Variants in MIER3 observed in about 807,000 individuals in gnomAD.
MIER3 encodes the protein mesoderm induction early response protein 3.
Under a neutral mutation model 63.2 loss-of-function variants are expected in MIER3, and 9 were observed. That is an observed-to-expected ratio of 0.14 (90% CI 0.09 to 0.25). MIER3 has a LOEUF of 0.25. Ranked by LOEUF, MIER3 falls within the 10% of genes least tolerant of loss-of-function variation. The pLI, the probability that MIER3 is intolerant of heterozygous loss-of-function variation, is 1.00. For synonymous variants in MIER3, 205 were observed against 224.9 expected, an observed-to-expected ratio of 0.91 and a Z score of 0.79; for missense variants, 512 against 666.2, an observed-to-expected ratio of 0.77 and a Z score of 2.55.
At chr5:56,947,728 C>T (rs1750874923) in intron 2 of MIER3, among the ~76,000 whole-genome samples, 1 of 152,158 alleles carries the variant, frequency 6.6e-6, no homozygotes, top group South Asian at 2.1e-4. Context: ...GGATTACTAA[C>T]AAAGTTCTTA....
At chr5:56,935,359 T>C in intron 7 of MIER3, 69 bp downstream of exon 7, 1 of 1,189,426 alleles carries the variant, frequency 8.4e-7, no homozygotes. Flanking sequence ...TAAAGCCAGA[T>C]ATTTAAATAC....
rs1270996509 is a variant in MIER3 at position 56,921,387 on chromosome 5, ATTAT to A, written c.*1737_*1740del. The A allele has an allele frequency of 6.6e-6, 1 of 152,462 alleles. No homozygotes were observed. The highest frequency in any genetic ancestry group is 2.4e-5 in the African/African-American group (1 of 41,462). 9.4% of individuals were successfully genotyped at this position (152,462 alleles called of 1,614,324 possible). A position where few individuals can be genotyped will look rare whatever the true frequency, so the allele number is the denominator to read the frequency against. ...AAGTAACACAGAGCCCAGGCTACCC[ATTAT>A]TTACTGTGTGCATACAGGAATGCTA... On this transcript the variant is annotated 3_prime_UTR_variant, in exon 13 of 13. Transcript: ENST00000381199.
At chr5:56,946,602 A>G (rs1750829833) in intron 3 of MIER3, among the ~76,000 whole-genome samples, 1 of 152,166 alleles carries the variant, frequency 6.6e-6, no homozygotes. Context: ...CCTTAGCAGA[A>G]TAGTAGTTAC....
chr5:56,946,376 C>T (rs1430084017), intron 3 of MIER3, among the ~76,000 whole-genome samples: 1 of 152,100 alleles, frequency 6.6e-6, no homozygotes, highest in African/African-American at 2.4e-5. Context: ...TTTATATTGA[C>T]TTGGGGCTTA....
chr5:56,931,116 C>G (rs989994704), intron 8 of MIER3, among the ~76,000 whole-genome samples: 2 of 152,166 alleles, frequency 1.3e-5, no homozygotes, highest in Non-Finnish European at 2.9e-5. Flanking sequence ...GATGTCATTT[C>G]CTCCCTGTCT....
intron 3 of MIER3, among the ~76,000 whole-genome samples, chr5:56,942,451 G>C (rs550695591): frequency 1.3e-5 from 2 of 152,334 alleles, no homozygotes; most frequent in South Asian, 4.1e-4. Context: ...CAACACAGGA[G>C]TCTAAATGGA....
At chr5:56,932,266 G>GTAAA (rs1042806385) in intron 8 of MIER3, among the ~76,000 whole-genome samples, 6 of 151,920 alleles carry the variant, frequency 3.9e-5, no homozygotes, top group South Asian at 2.1e-4. Flanking sequence ...TCTTGGAAAA[G>GTAAA]TAAATAAATA....
At chr5:56,929,501 G>T (rs1750179370) in intron 9 of MIER3, 1 of 152,052 alleles carries the variant, frequency 6.6e-6, no homozygotes, top group South Asian at 2.1e-4. Flanking sequence ...CGAGATCAAG[G>T]CTATACTAAG....
chr5:56,938,726 G>A lies in MIER3; in HGVS notation c.315+157C>T, dbSNP rs897541038. 7.1e-6 allele frequency: 6 copies of A among 839,384 alleles called. No homozygotes were observed. In the African/African-American group the frequency reaches 1.0e-4, roughly 14 times the overall value. The allele number at this position is 839,384 out of a possible 1,614,324, so 52.0% of individuals were successfully genotyped here. ...ATTAATACTACTCTTAACATAGGGT[G>A]ATCAAAGCCAAACAAAGTTTAAATC... On this transcript the variant is annotated intron_variant, in intron 4 of 12. Coordinates refer to ENST00000381199, the MANE Select transcript of MIER3 (RefSeq NM_001297599.2).
chr5:56,923,031 A>G lies in MIER3; in HGVS notation c.*97T>C, dbSNP rs1259525853. 1 of 926,612 alleles carries G rather than the reference A, an allele frequency of 1.1e-6. No individual in the cohort carries two copies. The highest frequency in any genetic ancestry group is 1.7e-5 in the African/African-American group (1 of 60,072). The allele number at this position is 926,612 out of a possible 1,614,324, so 57.4% of individuals were successfully genotyped here. ...TACTGACATCACTGATGTCATAGTG[A>G]GAAAGGTTCAAACTTCCAGTGAAAG... On this transcript the variant is annotated 3_prime_UTR_variant, in exon 13 of 13. Transcript: ENST00000381199.
In MIER3 at chr5:56,930,750, G is replaced by A. The variant is rs937253391; in HGVS notation, c.748-5C>T. ...CTTGAGAAGTTCATATAATGCCTGG[G>A]ATGGATATTCAATAAAAAGTATTAA... On this transcript the variant is annotated splice_polypyrimidine_tract_variant and splice_region_variant and intron_variant, in intron 8 of 12. Transcript: ENST00000381199. The A allele has an allele frequency of 6.2e-7, 1 of 1,609,616 alleles. No individual in the cohort carries two copies. The highest frequency in any genetic ancestry group is 1.3e-5 in the African/African-American group (1 of 74,806).
At chr5:56,928,984 C>CTT in intron 9 of MIER3, 123 bp from the exon 10 acceptor site, 1 of 505,002 alleles carries the variant, frequency 2.0e-6, no homozygotes, top group Non-Finnish European at 3.5e-6. Flanking sequence ...CACACACACT[C>CTT]TCTCTCTCAC....
intron 8 of MIER3, 65 bp from the exon 9 acceptor site, chr5:56,930,810 G>C (rs1383219990): frequency 2.3e-6 from 3 of 1,306,370 alleles, no homozygotes; most frequent in African/African-American, 1.5e-5. Context: ...AAAAACAGGT[G>C]TAAGAGTTTT....
At chr5:56,951,379 G>A (rs1302502104) in intron 1 of MIER3, among the ~76,000 whole-genome samples, 1 of 152,062 alleles carries the variant, frequency 6.6e-6, no homozygotes. Flanking sequence ...CATGGCCGGG[G>A]CAGCTTCGCT....
At chr5:56,947,410 T>C (rs1329294913) in intron 2 of MIER3, among the ~76,000 whole-genome samples, 1 of 152,160 alleles carries the variant, frequency 6.6e-6, no homozygotes, top group Non-Finnish European at 1.5e-5. Flanking sequence ...TTAATACATC[T>C]GTCTAAAAGC....
rs766136489 is a variant in MIER3 at position 56,920,528 on chromosome 5, C to T, written c.*2600G>A. ...CTTGATAATAAAGGCATTATTGTTT[C>T]TTCACATGATTGCAAATCCGGTTGT... On this transcript the variant is annotated 3_prime_UTR_variant, in exon 13 of 13. Coordinates refer to ENST00000381199, the MANE Select transcript of MIER3 (RefSeq NM_001297599.2). The T allele has an allele frequency of 1.3e-5, 2 of 152,412 alleles. No individual in the cohort carries two copies. Among genetic ancestry groups the T allele is most frequent in the Non-Finnish European group, 2.9e-5 (2 of 67,928 alleles). The allele number at this position is 152,412 out of a possible 1,614,324, so 9.4% of individuals were successfully genotyped here. A position where few individuals can be genotyped will look rare whatever the true frequency, so the allele number is the denominator to read the frequency against.
In MIER3 at chr5:56,923,683, C is replaced by T. The variant is rs761853637; in HGVS notation, c.1195+8G>A. ...ACTGTACTAAATGCAGAAAGGTCTTCATTTTACCTGTCAAGTCACTGGCAG... is the reference window on the plus strand; with the variant it reads ...ACTGTACTAAATGCAGAAAGGTCTTTATTTTACCTGTCAAGTCACTGGCAG... On this transcript the variant is annotated splice_region_variant and intron_variant, in intron 12 of 12. Transcript: ENST00000381199. The T allele has an allele frequency of 1.1e-5, 18 of 1,614,032 alleles. No homozygotes were observed. The highest frequency in any genetic ancestry group is 1.4e-5 in the Non-Finnish European group (16 of 1,180,002).
At chr5:56,923,871 TAC>T in intron 11 of MIER3, 38 bp from the exon 12 acceptor site, 2 of 1,614,016 alleles carry the variant, frequency 1.2e-6, no homozygotes, top group Non-Finnish European at 1.7e-6. Flanking sequence ...GACTATATAT[TAC>T]AGTTAAAAGT....
At chr5:56,939,797 C>T (rs1351205990) in intron 3 of MIER3, among the ~76,000 whole-genome samples, 3 of 152,196 alleles carry the variant, frequency 2.0e-5, no homozygotes, top group East Asian at 1.9e-4. Context: ...CCATGCACAA[C>T]GTAACATTCA....
Sources: gnomAD v4.1 joint callset for allele counts (sites outside exome capture counted in the v4.1 genomes callset) on GRCh38, gnomAD v4.1.1 for gene constraint, MANE v1.5 for transcripts, NCBI Gene and HGNC (gene_info 2026-07-23, HGNC 2026-07-21) for gene names.